The following KIAA1217 variants were observed in gnomAD, a reference collection of about 807,000 sequenced individuals.
KIAA1217 encodes sickle tail protein homolog.
KIAA1217 carries 88 observed loss-of-function variants against 163.9 expected under a neutral mutation model. The observed-to-expected ratio is 0.54, with a 90% CI of 0.45 to 0.64. KIAA1217 has a LOEUF of 0.64. Ranked by LOEUF, KIAA1217 falls within the 30% of genes least tolerant of loss-of-function variation. The pLI, the probability that KIAA1217 is intolerant of heterozygous loss-of-function variation, is 0.00. For missense variants in KIAA1217, 2,372 were observed against 2,475.0 expected (o/e 0.96, Z 0.88); for synonymous variants, 903 against 923.1 (o/e 0.98, Z 0.39).
chr10:23,868,304 C>T (rs929836626), intron 1 of KIAA1217, among the ~76,000 whole-genome samples: 1 of 152,084 alleles, frequency 6.6e-6, no homozygotes, highest in African/African-American at 2.4e-5. Flanking sequence ...CCAGGCCTGG[C>T]ATGAAGGATT....
At chr10:23,895,820 T>C (rs963761890) in intron 1 of KIAA1217, among the ~76,000 whole-genome samples, 6 of 151,726 alleles carry the variant, frequency 4.0e-5, no homozygotes, top group Admixed American at 3.9e-4. Context: ...TCATAAAAAA[T>C]GATGAGTTCA....
intron 1 of KIAA1217, among the ~76,000 whole-genome samples, chr10:23,916,843 G>T (rs1842649570): frequency 6.6e-6 from 1 of 151,816 alleles, no homozygotes; most frequent in Non-Finnish European, 1.5e-5. Context: ...GTGGTGGCGT[G>T]TGCCTGTAAT....
intron 2 of KIAA1217, among the ~76,000 whole-genome samples, chr10:24,168,861 A>C (rs2065482264): frequency 6.6e-6 from 1 of 152,214 alleles, no homozygotes; most frequent in Admixed American, 6.5e-5. Flanking sequence ...AGGAAACTCC[A>C]GAATCTAAAG....
chr10:24,048,784 G>C (rs1043177978), intron 2 of KIAA1217, among the ~76,000 whole-genome samples: 6 of 151,004 alleles, frequency 4.0e-5, no homozygotes, highest in African/African-American at 1.5e-4. Context: ...TGTCATCCCA[G>C]CACTTTGGGC....
intron 2 of KIAA1217, among the ~76,000 whole-genome samples, chr10:24,179,598 T>C (rs531970324): frequency 1.3e-5 from 2 of 152,274 alleles, no homozygotes; most frequent in South Asian, 4.1e-4. Context: ...TTCTTTTCTT[T>C]TTTTTTCTGA....
chr10:24,451,908 C>T (rs2061402482), intron 5 of KIAA1217, among the ~76,000 whole-genome samples: 2 of 151,960 alleles, frequency 1.3e-5, no homozygotes, highest in African/African-American at 4.8e-5. Flanking sequence ...TTGTGGGTGC[C>T]CAGCAAGGCA....
At chr10:23,985,064 G>C (rs1190189150) in intron 1 of KIAA1217, among the ~76,000 whole-genome samples, 1 of 152,028 alleles carries the variant, frequency 6.6e-6, no homozygotes, top group Non-Finnish European at 1.5e-5. Context: ...AGGCTTCTAG[G>C]AGACTATACC....
intron 2 of KIAA1217, among the ~76,000 whole-genome samples, chr10:24,147,317 C>T (rs538734003): frequency 6.6e-6 from 1 of 152,196 alleles, no homozygotes; most frequent in East Asian, 1.9e-4. Context: ...TTTCCCTAAA[C>T]ACATTTTGTT....
At chr10:24,132,294 T>G (rs3893887) in intron 2 of KIAA1217, among the ~76,000 whole-genome samples, 108,117 of 152,108 alleles carry the variant, frequency 0.71, 39,433 homozygotes, top group African/African-American at 0.87. Flanking sequence ...AGGATTTGAT[T>G]AACACAGAGC....
chr10:24,343,419 G>A (rs1450123975), intron 2 of KIAA1217, among the ~76,000 whole-genome samples: 24 of 152,128 alleles, frequency 1.6e-4, no homozygotes, highest in Non-Finnish European at 2.9e-4. Context: ...GTGTTTGTGC[G>A]AAGCTCCAGT....
intron 2 of KIAA1217, among the ~76,000 whole-genome samples, chr10:24,031,237 A>G (rs1364740945): frequency 6.6e-6 from 1 of 151,988 alleles, no homozygotes; most frequent in African/African-American, 2.4e-5. Context: ...ATCCACTCTC[A>G]TGAATGTAGA....
intron 2 of KIAA1217, among the ~76,000 whole-genome samples, chr10:24,263,344 G>A (rs1478192709): frequency 6.6e-6 from 1 of 152,228 alleles, no homozygotes; most frequent in Non-Finnish European, 1.5e-5. Flanking sequence ...GTTTCATGGG[G>A]GCTGGGGGAA....
intron 2 of KIAA1217, among the ~76,000 whole-genome samples, chr10:24,082,651 G>A (rs1280980118): frequency 2.6e-5 from 4 of 152,100 alleles, no homozygotes; most frequent in Non-Finnish European, 4.4e-5. Flanking sequence ...ATCATTGATG[G>A]GCATTTGGGT....
At chr10:24,033,723 G>T (rs1469677573) in intron 2 of KIAA1217, among the ~76,000 whole-genome samples, 1 of 152,178 alleles carries the variant, frequency 6.6e-6, no homozygotes, top group Non-Finnish European at 1.5e-5. Context: ...ATGCATACAT[G>T]GTTTTAACTG....
intron 4 of KIAA1217, among the ~76,000 whole-genome samples, 170 bp downstream of exon 4, chr10:24,433,363 A>G (rs1460824236): frequency 1.3e-5 from 2 of 150,172 alleles, no homozygotes; most frequent in East Asian, 2.0e-4. Context: ...TATCCCTTTC[A>G]TAGAGTTTAT....
intron 1 of KIAA1217, among the ~76,000 whole-genome samples, chr10:24,218,655 AT>A (rs978092383): frequency 4.6e-5 from 7 of 151,676 alleles, no homozygotes; most frequent in Admixed American, 2.0e-4. Context: ...TGCCCAGCTA[AT>A]TTTTTTGTAT....
chr10:24,279,731 T>C (rs753798640), intron 2 of KIAA1217, among the ~76,000 whole-genome samples: 2 of 152,194 alleles, frequency 1.3e-5, no homozygotes, highest in African/African-American at 2.4e-5. Flanking sequence ...AAGCACAGAT[T>C]TACCAATTAA....
chr10:23,858,006 C>G (rs1839779495), intron 1 of KIAA1217, among the ~76,000 whole-genome samples: 1 of 150,074 alleles, frequency 6.7e-6, no homozygotes, highest in African/African-American at 2.4e-5. Flanking sequence ...GAGACAGCAG[C>G]TGGGAGACAG....
intron 1 of KIAA1217, among the ~76,000 whole-genome samples, chr10:23,738,570 C>A (rs994848768): frequency 1.3e-5 from 2 of 151,794 alleles, no homozygotes; most frequent in African/African-American, 4.8e-5. Flanking sequence ...TTGTTTAACA[C>A]ATTATTTTTT....
Sources: gnomAD v4.1 joint callset for allele counts (sites outside exome capture counted in the v4.1 genomes callset) on GRCh38, gnomAD v4.1.1 for gene constraint, MANE v1.5 for transcripts, NCBI Gene and HGNC (gene_info 2026-07-23, HGNC 2026-07-21) for gene names.